The following PIK3R2 variants were observed in gnomAD, a reference collection of about 807,000 sequenced individuals.
The protein encoded by PIK3R2 is phosphoinositide-3-kinase regulatory subunit 2, also known as phosphatidylinositol 3-kinase regulatory subunit beta.
A neutral mutation model predicts 78.5 loss-of-function variants in PIK3R2; 40 were observed. The ratio of observed to expected loss-of-function variants is 0.51; its 90% CI spans 0.40 to 0.66. PIK3R2 has a LOEUF of 0.66. Ranked by LOEUF, PIK3R2 falls within the 30% of genes least tolerant of loss-of-function variation. PIK3R2 has a pLI of 0.00. For missense variants in PIK3R2, 880 were observed against 1,026.6 expected (o/e 0.86, Z 1.95); for synonymous variants, 473 against 457.7 (o/e 1.03, Z -0.43).
chr19:18,169,053 G>A, intron 15 of PIK3R2, 34 bp from the exon 16 acceptor site: 1 of 1,592,282 alleles, frequency 6.3e-7, no homozygotes, highest in Non-Finnish European at 8.6e-7. Flanking sequence ...GGGGAGGCCA[G>A]CCTTCCGACT....
intron 11 of PIK3R2, 56 bp downstream of exon 11, chr19:18,163,444 C>T: frequency 1.2e-6 from 2 of 1,603,754 alleles, no homozygotes; most frequent in Non-Finnish European, 1.7e-6. Flanking sequence ...AGTGGCAAGG[C>T]CGGGAGCAGG....
chr19:18,155,212 A>AAC (rs1555813325), intron 1 of PIK3R2, among the ~76,000 whole-genome samples: 3 of 151,404 alleles, frequency 2.0e-5, no homozygotes, highest in Non-Finnish European at 4.4e-5. Context: ...AAAAAAAAAA[A>AAC]AAAACTGATT....
chr19:18,153,929 T>C (rs1417055495), intron 1 of PIK3R2, among the ~76,000 whole-genome samples: 2 of 151,970 alleles, frequency 1.3e-5, no homozygotes, highest in Non-Finnish European at 2.9e-5. Context: ...TAGGAATGGG[T>C]AAATTGGGCA....
Position 18,162,388 on chromosome 19 carries a change from A to C in PIK3R2, c.1011-20A>C. On this transcript the variant is annotated intron_variant, in intron 8 of 15. Transcript: ENST00000222254. ...GGTCTCCAGGTGGCTCGGCAGTCCC[A>C]ATGTTGGATGTTCCCACAGGGAGGA... is the stretch of plus-strand genomic sequence containing the variant. The C allele has an allele frequency of 6.2e-7, 1 of 1,611,256 alleles. No homozygotes were observed. The highest frequency in any genetic ancestry group is 1.1e-5 in the South Asian group (1 of 91,046).
chr19:18,166,753 G>T (rs2043814697), intron 12 of PIK3R2, among the ~76,000 whole-genome samples: 1 of 151,004 alleles, frequency 6.6e-6, no homozygotes, highest in Non-Finnish European at 1.5e-5. Flanking sequence ...ATGAATAGGA[G>T]TTTGCTAGAA....
intron 3 of PIK3R2, 92 bp from the exon 4 acceptor site, chr19:18,160,827 G>C (rs1454050970): frequency 2.1e-6 from 3 of 1,424,800 alleles, no homozygotes; most frequent in South Asian, 1.2e-5. Context: ...GGGCAGCAAA[G>C]GGAGACTGCA....
chr19:18,159,818 T>G (rs985983675), intron 2 of PIK3R2, among the ~76,000 whole-genome samples: 2 of 152,150 alleles, frequency 1.3e-5, no homozygotes, highest in African/African-American at 4.8e-5. Context: ...CTTGGCTCAC[T>G]GCAACCTCCG....
In PIK3R2 at chr19:18,158,495, AAAC is replaced by A. The variant is rs532683323; in HGVS notation, c.323-1955_323-1953del. ...GACAGAGCAAGACTCCATCTCAAAAAAACAACAACAACAACAACAACAAAAAAC... is the reference window on the plus strand; with the variant it reads ...GACAGAGCAAGACTCCATCTCAAAAAAACAACAACAACAACAACAAAAAAC... On this transcript the variant is annotated intron_variant, in intron 2 of 15. Coordinates refer to ENST00000222254, the MANE Select transcript of PIK3R2 (RefSeq NM_005027.4). Among the ~76,000 whole-genome samples, 590 of 150,050 alleles carry A rather than the reference AAAC, an allele frequency of 3.9e-3. 8 individuals are homozygous for A. The highest frequency in any genetic ancestry group is 0.014 in the African/African-American group (561 of 40,618).
At chr19:18,165,091 C>T (rs923160835) in intron 11 of PIK3R2, among the ~76,000 whole-genome samples, 1 of 151,012 alleles carries the variant, frequency 6.6e-6, no homozygotes, top group Non-Finnish European at 1.5e-5. Context: ...TTAGCCGAGC[C>T]AGGCACAATG....
intron 2 of PIK3R2, among the ~76,000 whole-genome samples, chr19:18,159,144 CTTT>C (rs57543686): frequency 1.6e-4 from 8 of 50,054 alleles, no homozygotes; most frequent in East Asian, 7.8e-4. Flanking sequence ...GCCTGGCCTC[CTTT>C]TTTTTTTTTT....
rs540372431 is a variant in PIK3R2 at position 18,161,703 on chromosome 19, G to A, written c.815+208G>A. On this transcript the variant is annotated intron_variant, in intron 6 of 15. Transcript: ENST00000222254. This position sits in a 1 kb window ranked among gnomAD's most constrained non-coding sequence, Gnocchi z 5.3. ...AAGGGGCCTAGTCCCGAAGCATGTG[G>A]GTGGTGCCTGCACCTTCCCTTCTGC... Among the ~76,000 whole-genome samples, 4 of 152,312 alleles carry A rather than the reference G, an allele frequency of 2.6e-5. No individual in the cohort carries two copies. The highest frequency in any genetic ancestry group is 9.6e-5 in the African/African-American group (4 of 41,566).
At position 18,166,298 on chromosome 19, in the gene PIK3R2, C is replaced by T. The variant is rs2043809798; in HGVS notation, c.1555C>T (p.Gln519Ter). Residue 519 changes from glutamine to a stop codon, truncating the protein, a stop_gained, in exon 12 of 16, where the codon CAA becomes TAA. Transcript: ENST00000222254. LOFTEE classifies it high-confidence loss of function. ...GCGTGAGGGCAACGAGAAAGAGATG[C>T]AAAGGTGAGTCTGGCGCCTCTGCCC... ...FRREGNEKEM[Q>*]RILLNSERLK... The T allele has an allele frequency of 6.2e-7, 1 of 1,613,698 alleles. No individual in the cohort carries two copies.
intron 2 of PIK3R2, among the ~76,000 whole-genome samples, chr19:18,159,144 C>CTTTGTTTTTTT (rs2043713024): frequency 2.0e-5 from 1 of 50,054 alleles, no homozygotes; most frequent in Non-Finnish European, 3.4e-5. Context: ...GCCTGGCCTC[C>CTTTGTTTTTTT]TTTTTTTTTT....
In PIK3R2 at chr19:18,157,431, G is replaced by A. The variant is rs535698571; in HGVS notation, c.322+1230G>A. On this transcript the variant is annotated intron_variant, in intron 2 of 15. Transcript: ENST00000222254. ...TTCCAGGGTTATGTGACCTCGGCCA[G>A]AACCCGCCCCCTCGAGGCCTCAGTT... Among the ~76,000 whole-genome samples, 4 of 152,360 alleles carry A rather than the reference G, an allele frequency of 2.6e-5. No individual in the cohort carries two copies. In the South Asian group the frequency reaches 8.3e-4, roughly 32 times the overall value.
At chr19:18,164,775 A>G (rs2147955050) in intron 11 of PIK3R2, among the ~76,000 whole-genome samples, 1 of 150,822 alleles carries the variant, frequency 6.6e-6, no homozygotes, top group South Asian at 2.1e-4. Flanking sequence ...AACTGGGACT[A>G]CAGGCACGTG....
rs760227516 is a variant in PIK3R2, at chr19:18,162,951, C to CCCTCT, written c.1110-11_1110-7dup. 7 of 1,610,298 alleles carry CCCTCT rather than the reference C, an allele frequency of 4.3e-6. No homozygotes were observed. The African/African-American group carries it at 9.4e-5, about 22-fold the overall frequency. ...GCGGGGTCCCACTGGGTGCCGACAC[C>CCCTCT]CCTCTCCTCCCCCAGGAAAGGCGGG... On this transcript the variant is annotated splice_polypyrimidine_tract_variant and intron_variant, in intron 9 of 15. Coordinates refer to ENST00000222254, the MANE Select transcript of PIK3R2 (RefSeq NM_005027.4).
At chr19:18,153,775 G>A (rs1216230713) in intron 1 of PIK3R2, among the ~76,000 whole-genome samples, 1 of 152,108 alleles carries the variant, frequency 6.6e-6, no homozygotes, top group Non-Finnish European at 1.5e-5. Flanking sequence ...CGCCCCTCCC[G>A]CCTCCCGGAT....
At position 18,161,846 on chromosome 19, in the gene PIK3R2, C is replaced by T. The variant is rs896008827; in HGVS notation, c.816-120C>T. 1.0e-5 allele frequency: 8 copies of T among 776,790 alleles called. No homozygotes were observed. Among genetic ancestry groups the T allele is most frequent in the Non-Finnish European group, 1.7e-5 (8 of 460,574 alleles). 48.1% of individuals were successfully genotyped at this position (776,790 alleles called of 1,614,324 possible). ...ACATGTGCCTGTATCATCTCCTCCT[C>T]CGCCCTGCACATACTGTCTCGTATA... is the stretch of plus-strand genomic sequence containing the variant. On this transcript the variant is annotated intron_variant, in intron 6 of 15. Transcript: ENST00000222254. This position sits in a 1 kb window ranked among gnomAD's most constrained non-coding sequence, Gnocchi z 5.3.
At position 18,169,006 on chromosome 19, in the gene PIK3R2, A is replaced by G. The variant is rs3746187; in HGVS notation, c.1980-81A>G. ...AGTCCCTGGTGGGGTCATCCGGGAC[A>G]GGGGAGCACGCGGCCCTGGAACGGG... On this transcript the variant is annotated intron_variant, in intron 15 of 15. Transcript: ENST00000222254. 576,481 of 1,553,184 alleles carry G rather than the reference A, an allele frequency of 0.37. 111,278 individuals carry two copies. Among genetic ancestry groups the G allele is most frequent in the Middle Eastern group, 0.44 (2,544 of 5,820 alleles).
Sources: allele counts gnomAD v4.1 joint callset (sites outside exome capture counted in the v4.1 genomes callset), GRCh38; gene constraint gnomAD v4.1.1; non-coding constraint Gnocchi (gnomAD v3.1); transcripts MANE v1.5; gene names NCBI Gene and HGNC (gene_info 2026-07-23, HGNC 2026-07-21).